GRM8: variants seen among roughly 807,000 people sequenced by gnomAD.
GRM8 encodes glutamate metabotropic receptor 8.
GRM8 carries 47 observed loss-of-function variants against 87.2 expected under a neutral mutation model. That is an observed-to-expected ratio of 0.54 (90% CI 0.43 to 0.69). GRM8 has a LOEUF of 0.69. Among genes scored for constraint, GRM8 ranks in the 30% least tolerant of loss-of-function variants. The probability of loss-of-function intolerance (pLI) is 0.00; values close to 1 mark genes in which losing one functional copy is unlikely to be tolerated. For synonymous variants in GRM8, 396 were observed against 404.5 expected (o/e 0.98, Z 0.25); for missense variants, 1,019 against 1,139.2 (o/e 0.89, Z 1.52).
At chr7:126,687,869 C>T (rs556808917) in intron 7 of GRM8, among the ~76,000 whole-genome samples, 1 of 151,988 alleles carries the variant, frequency 6.6e-6, no homozygotes, top group Admixed American at 6.5e-5. Context: ...ATTACTGGAC[C>T]TAACTTGCAT....
chr7:126,903,629 A>G (rs1182216215), intron 5 of GRM8, among the ~76,000 whole-genome samples: 1 of 107,082 alleles, frequency 9.3e-6, no homozygotes, highest in East Asian at 3.5e-4. Context: ...ATATATATGT[A>G]TATGTGTATA....
intron 3 of GRM8, among the ~76,000 whole-genome samples, chr7:127,038,766 G>C (rs3808127): frequency 0.27 from 41,475 of 152,090 alleles, 6,294 homozygotes; most frequent in African/African-American, 0.41. Flanking sequence ...CTAAAATGGA[G>C]TGGTAGGTAT....
At chr7:127,214,367 AACTTTG>A (rs1796395432) in intron 2 of GRM8, among the ~76,000 whole-genome samples, 1 of 152,226 alleles carries the variant, frequency 6.6e-6, no homozygotes, top group Admixed American at 6.5e-5. Flanking sequence ...ATGATTTTTA[AACTTTG>A]TATATAATTT....
chr7:126,900,501 G>GTTTGTTTTGT (rs975836875), intron 6 of GRM8, among the ~76,000 whole-genome samples: 1 of 151,530 alleles, frequency 6.6e-6, no homozygotes, highest in East Asian at 1.9e-4. Flanking sequence ...TTTTTTGTTT[G>GTTTGTTTTGT]TTTGTTTTGT....
chr7:127,107,838 C>G (rs1478229956), intron 2 of GRM8, among the ~76,000 whole-genome samples: 2 of 152,200 alleles, frequency 1.3e-5, no homozygotes, highest in Non-Finnish European at 1.5e-5. Flanking sequence ...GTCCTGTTCC[C>G]TACTAGTGGC....
intron 9 of GRM8, among the ~76,000 whole-genome samples, chr7:126,452,289 TGGGGGGA>T (rs1181251167): frequency 2.9e-5 from 2 of 68,956 alleles, no homozygotes; most frequent in African/African-American, 1.2e-4. Context: ...TGTTGTGGGG[TGGGGGGA>T]GGGGGGAGGG....
At chr7:126,984,691 T>C (rs1811874644) in intron 3 of GRM8, among the ~76,000 whole-genome samples, 1 of 152,174 alleles carries the variant, frequency 6.6e-6, no homozygotes, top group South Asian at 2.1e-4. Flanking sequence ...TCCTATTAGT[T>C]CTGTCACTCT....
chr7:127,025,035 C>T (rs1440878866), intron 3 of GRM8, among the ~76,000 whole-genome samples: 1 of 152,044 alleles, frequency 6.6e-6, no homozygotes, highest in Non-Finnish European at 1.5e-5. Flanking sequence ...CCTAACAGTG[C>T]TATGTCAACT....
intron 2 of GRM8, among the ~76,000 whole-genome samples, chr7:127,190,450 A>G (rs17863236): frequency 0.016 from 2,454 of 152,194 alleles, 32 homozygotes; most frequent in South Asian, 0.043. Flanking sequence ...ATGCTGAGAC[A>G]GGAGAATTGC....
At chr7:126,681,728 C>T (rs921142487) in intron 7 of GRM8, among the ~76,000 whole-genome samples, 10 of 152,200 alleles carry the variant, frequency 6.6e-5, no homozygotes, top group African/African-American at 2.4e-4. Context: ...AAGAGGCAGA[C>T]ACAAGAAGGA....
chr7:127,092,659 G>T (rs1206939011), intron 3 of GRM8, among the ~76,000 whole-genome samples: 1 of 152,190 alleles, frequency 6.6e-6, no homozygotes, highest in Non-Finnish European at 1.5e-5. Flanking sequence ...GTGAGCCAAG[G>T]TTGTGCCACT....
intron 6 of GRM8, among the ~76,000 whole-genome samples, chr7:126,783,121 G>A (rs1046402438): frequency 4.6e-5 from 7 of 152,122 alleles, no homozygotes; most frequent in African/African-American, 1.7e-4. Context: ...TAATGAATAA[G>A]CAGGATTCAT....
At chr7:126,740,324 G>C (rs1234097363) in intron 7 of GRM8, among the ~76,000 whole-genome samples, 9 of 151,880 alleles carry the variant, frequency 5.9e-5, no homozygotes, top group African/African-American at 1.2e-4. Flanking sequence ...TATTAATATG[G>C]GGCAATTTTT....
chr7:126,988,479 C>T (rs1223489141), intron 3 of GRM8, among the ~76,000 whole-genome samples: 2 of 152,188 alleles, frequency 1.3e-5, no homozygotes, highest in African/African-American at 4.8e-5. Flanking sequence ...AAATAATCTA[C>T]AGAGACATGG....
chr7:127,010,395 T>C (rs1315130837), intron 3 of GRM8, among the ~76,000 whole-genome samples: 2 of 152,096 alleles, frequency 1.3e-5, no homozygotes, highest in South Asian at 2.1e-4. Context: ...AAAGAGAATA[T>C]TGGGAAATAA....
chr7:127,220,286 A>G (rs995065862), intron 2 of GRM8, among the ~76,000 whole-genome samples: 1 of 152,186 alleles, frequency 6.6e-6, no homozygotes, highest in Non-Finnish European at 1.5e-5. Flanking sequence ...TGCCTCCTCC[A>G]CTGACCAGGG....
In GRM8 at chr7:126,595,823, C is replaced by T. The variant is rs184140098; in HGVS notation, c.1494+13539G>A. Among the ~76,000 whole-genome samples the T allele has an allele frequency of 1.2e-3, 186 of 152,188 alleles. 1 individual carries two copies. The highest frequency in any genetic ancestry group is 9.6e-3 in the Admixed American group (147 of 15,282). On this transcript the variant is annotated intron_variant, in intron 8 of 10. Coordinates refer to ENST00000339582, the MANE Select transcript of GRM8 (RefSeq NM_000845.3). ...CAGTGCTGCAGTTAACATGAACATG[C>T]GTGTGTCTTTATGATAGAATGATTT...
At chr7:127,168,959 G>T (rs1793619504) in intron 2 of GRM8, among the ~76,000 whole-genome samples, 1 of 147,624 alleles carries the variant, frequency 6.8e-6, no homozygotes, top group Non-Finnish European at 1.5e-5. Flanking sequence ...GTATACCTAT[G>T]TAACAAACCT....
intron 7 of GRM8, among the ~76,000 whole-genome samples, chr7:126,709,984 C>T (rs1031237701): frequency 6.6e-6 from 1 of 152,120 alleles, no homozygotes; most frequent in Non-Finnish European, 1.5e-5. Context: ...AGGTCCAGTT[C>T]CAAATCACCA....
Sources: allele counts gnomAD v4.1 joint callset (sites outside exome capture counted in the v4.1 genomes callset), GRCh38; gene constraint gnomAD v4.1.1; transcripts MANE v1.5; gene names NCBI Gene and HGNC (gene_info 2026-07-23, HGNC 2026-07-21).